The following COL5A3 variants were observed in gnomAD, a reference collection of about 807,000 sequenced individuals.
COL5A3 encodes the protein collagen type V alpha 3 chain.
Under a neutral mutation model 250.0 loss-of-function variants are expected in COL5A3, and 172 were observed. That is an observed-to-expected ratio of 0.69 (90% CI 0.61 to 0.78). The LOEUF (loss-of-function observed/expected upper bound fraction) is 0.78. Ranked by LOEUF, COL5A3 falls within the 30% of genes least tolerant of loss-of-function variation. COL5A3 has a pLI of 0.00. For synonymous variants in COL5A3, 937 were observed against 900.4 expected, an observed-to-expected ratio of 1.04 and a Z score of -0.73; for missense variants, 2,340 against 2,334.4, an observed-to-expected ratio of 1.00 and a Z score of -0.05.
chr19:9,986,356 GC>G lies in COL5A3; in HGVS notation c.2310del (p.Gln771ArgfsTer44), dbSNP rs2087099704. The G allele has an allele frequency of 1.3e-6, 2 of 1,593,540 alleles. No homozygotes were observed. The highest frequency in any genetic ancestry group is 1.3e-5 in the African/African-American group (1 of 74,360). On this transcript the variant is annotated frameshift_variant, in exon 30 of 67. Transcript: ENST00000264828. LOFTEE classifies it high-confidence loss of function. Reference sequence around the variant, plus strand: ...CCTGGGGGCCCCTCCTCGCCAGCCTGCCCCGCCTGCCCCTTCGGCCCCTCAG... The same window carrying G: ...CCTGGGGGCCCCTCCTCGCCAGCCTGCCCGCCTGCCCCTTCGGCCCCTCAG... ...DGPEGPKGQAGQAGEEGPPGS... is the reference protein window; with the variant it reads ...DGPEGPKGQAXQAGEEGPPGS...
chr19:9,998,250 AC>A lies in COL5A3; in HGVS notation c.1111-102del. The A allele has an allele frequency of 3.4e-6, 4 of 1,170,976 alleles. No individual in the cohort carries two copies. The South Asian group carries it at 4.4e-5, about 13-fold the overall frequency. The allele number at this position is 1,170,976 out of a possible 1,614,324, so 72.5% of individuals were successfully genotyped here. A position where few individuals can be genotyped will look rare whatever the true frequency, so the allele number is the denominator to read the frequency against. ...CACACTTGCACACACACACACACAC[AC>A]ACACACGGAGTCCACCCTCAGAGCC... On this transcript the variant is annotated intron_variant, in intron 8 of 66. Coordinates refer to ENST00000264828, the MANE Select transcript of COL5A3 (RefSeq NM_015719.4).
At position 9,978,929 on chromosome 19, in the gene COL5A3, T is replaced by C; in HGVS notation, c.2926A>G (p.Arg976Gly). Residue 976 changes from arginine to glycine, a missense_variant, in exon 40 of 67, where the codon AGG (arginine) becomes GGG (glycine). By Grantham distance (125) the Arg-to-Gly change is moderately radical. Around this residue, in one of 3 missense-constraint regions of COL5A3, gnomAD observed 1,179 missense variants for 1,162.6 expected, o/e 1.01. Transcript: ENST00000264828. ...PLGKEGPAGL[R>G]GFPGPKGGPG... ...CCCCCTTTGGGGCCGGGAAAGCCCC[T>C]GAGTCCAGCTGGCCCTTCTTTCCCA... is the stretch of plus-strand genomic sequence containing the variant. 1 of 1,519,838 alleles carries C rather than the reference T, an allele frequency of 6.6e-7. No homozygotes were observed. Among genetic ancestry groups the C allele is most frequent in the Non-Finnish European group, 8.8e-7 (1 of 1,136,846 alleles). 94.1% of individuals were successfully genotyped at this position (1,519,838 alleles called of 1,614,324 possible).
intron 31 of COL5A3, among the ~76,000 whole-genome samples, chr19:9,983,587 A>G (rs2087046774): frequency 1.5e-4 from 13 of 87,238 alleles, no homozygotes; most frequent in African/African-American, 5.5e-4. Flanking sequence ...AAAGAAAGAA[A>G]GAAAGAAAGA....
chr19:9,984,186 C>T (rs36064195), intron 31 of COL5A3, among the ~76,000 whole-genome samples: 15,960 of 152,142 alleles, frequency 0.1, 1,012 homozygotes, highest in South Asian at 0.27. Flanking sequence ...CTGCACCCAG[C>T]TAATTCTTGT....
At chr19:10,010,202 T>TG in intron 1 of COL5A3, 96 bp downstream of exon 1, 19 of 653,152 alleles carry the variant, frequency 2.9e-5, no homozygotes, top group Non-Finnish European at 3.7e-5. Context: ...CCCACGCCCT[T>TG]CCCCTCCACG....
intron 38 of COL5A3, 62 bp downstream of exon 38, chr19:9,979,302 C>T: frequency 6.2e-7 from 1 of 1,605,768 alleles, no homozygotes; most frequent in Non-Finnish European, 8.5e-7. Flanking sequence ...AGGAGTCCAG[C>T]TTTCCCCTAA....
rs183632779 is a variant in COL5A3 at position 9,992,331 on chromosome 19, C to T, written c.1849-283G>A. 4.2e-3 allele frequency among the ~76,000 whole-genome samples: 642 copies of T among 151,974 alleles called. 4 individuals are homozygous for T. Among genetic ancestry groups the T allele is most frequent in the South Asian group, 0.015 (72 of 4,824 alleles). ...GGCTGAGGCAGGAGAATAGCTTGAA[C>T]GTGGAAGGCGGAGTTTGCAGTGAGC... On this transcript the variant is annotated intron_variant, in intron 21 of 66. Transcript: ENST00000264828.
intron 6 of COL5A3, among the ~76,000 whole-genome samples, chr19:10,002,882 C>T (rs1013848838): frequency 1.3e-5 from 2 of 152,104 alleles, no homozygotes; most frequent in African/African-American, 4.8e-5. Context: ...ACTTGTGGCC[C>T]CAATGAGTGA....
chr19:9,996,923 A>G lies in COL5A3; in HGVS notation c.1264-234T>C, dbSNP rs2087282455. On this transcript the variant is annotated intron_variant, in intron 11 of 66. Transcript: ENST00000264828. Reference sequence around the variant, plus strand: ...GAAGGGGAGAGAGGGATGGAGAAGGATGGGGGCAGATGGAGAGACATACAG... The same window carrying G: ...GAAGGGGAGAGAGGGATGGAGAAGGGTGGGGGCAGATGGAGAGACATACAG... 3.8e-5 allele frequency: 21 copies of G among 553,554 alleles called. No homozygotes were observed. In the East Asian group the frequency reaches 6.6e-4, roughly 17 times the overall value. The allele number at this position is 553,554 out of a possible 1,614,324, so 34.3% of individuals were successfully genotyped here. A position where few individuals can be genotyped will look rare whatever the true frequency, so the allele number is the denominator to read the frequency against.
At position 9,986,715 on chromosome 19, in the gene COL5A3, T is replaced by C. The variant is rs2087105454; in HGVS notation, c.2189A>G (p.Lys730Arg). Residue 730 changes from lysine (K) to arginine (R), a missense_variant and splice_region_variant, in exon 28 of 67, where the codon AAG (lysine) becomes AGG (arginine). Around this residue, in one of 3 missense-constraint regions of COL5A3, gnomAD observed 1,152 missense variants for 1,146.3 expected, o/e 1.00. Transcript: ENST00000264828. ...NRGLQGEKGEKGEDGFPGFKG... is the reference protein window; with the variant it reads ...NRGLQGEKGERGEDGFPGFKG... ...CTGATGAGTTCCTTCTCTCCTCACCTTCTCGCCTTTCTCCCCCTGGAGGCC... is the reference window on the plus strand; with the variant it reads ...CTGATGAGTTCCTTCTCTCCTCACCCTCTCGCCTTTCTCCCCCTGGAGGCC... The C allele has an allele frequency of 6.2e-7, 1 of 1,613,642 alleles. No individual in the cohort carries two copies. Among genetic ancestry groups the C allele is most frequent in the Admixed American group, 1.7e-5 (1 of 59,952 alleles).
In COL5A3 at chr19:9,980,809, G is replaced by C. The variant is rs764220475; in HGVS notation, c.2556C>G (p.Pro852=). Residue 852 remains proline (P), a synonymous_variant, in exon 34 of 67, where the codon CCC becomes CCG. Coordinates refer to ENST00000264828, the MANE Select transcript of COL5A3 (RefSeq NM_015719.4). ...GQPGATGQPG[P]KGDVGQDGAP... is the part of the protein sequence containing the mutation. ...TGATTGCCCACCCATCCCATACCTTGGGGCCTGGTTGCCCTGTGGCACCCG... is the reference window on the plus strand; with the variant it reads ...TGATTGCCCACCCATCCCATACCTTCGGGCCTGGTTGCCCTGTGGCACCCG... 1 of 1,612,944 alleles carries C rather than the reference G, an allele frequency of 6.2e-7. No homozygotes were observed.
intron 31 of COL5A3, among the ~76,000 whole-genome samples, chr19:9,982,420 A>C (rs2087024402): frequency 6.6e-6 from 1 of 152,144 alleles, no homozygotes; most frequent in South Asian, 2.1e-4. Flanking sequence ...TCACCTCCTT[A>C]GAATGCCTTT....
chr19:10,001,987 C>G (rs2087370576), intron 6 of COL5A3, 106 bp from the exon 7 acceptor site: 14 of 742,406 alleles, frequency 1.9e-5, no homozygotes, highest in South Asian at 1.2e-4. Context: ...GGGACAGGGA[C>G]AGAGGAGGCT....
At position 9,960,402 on chromosome 19, in the gene COL5A3, C is replaced by T. The variant is rs371498623; in HGVS notation, c.*9G>A. 2.4e-5 allele frequency: 38 copies of T among 1,614,112 alleles called. No individual in the cohort carries two copies. Among genetic ancestry groups the T allele is most frequent in the South Asian group, 6.6e-5 (6 of 91,072 alleles). The stretch of plus-strand genomic sequence containing the variant: ...GGCTCCCTCATGGTCCCTCCCACCC[C>T]GGACACTCTCAGCTGCTGAAGCAGA... On this transcript the variant is annotated 3_prime_UTR_variant, in exon 67 of 67. Transcript: ENST00000264828.
intron 38 of COL5A3, 52 bp from the exon 39 acceptor site, chr19:9,979,291 C>G: frequency 6.2e-7 from 1 of 1,602,056 alleles, no homozygotes; most frequent in Non-Finnish European, 8.6e-7. Context: ...GGGAGTCGCT[C>G]AGGAGTCCAG....
intron 64 of COL5A3, among the ~76,000 whole-genome samples, chr19:9,965,163 T>G (rs891321505): frequency 6.7e-6 from 1 of 148,328 alleles, no homozygotes; most frequent in African/African-American, 2.5e-5. Flanking sequence ...TTTCTTTTTT[T>G]TTTTTTTTTG....
At chr19:10,005,770 C>T (rs1279470531) in intron 3 of COL5A3, 26 bp downstream of exon 3, 2 of 1,600,872 alleles carry the variant, frequency 1.2e-6, no homozygotes, top group Non-Finnish European at 1.7e-6. Context: ...TATCCACGGA[C>T]CCCCGCCCAC....
At chr19:9,973,101 G>T (rs1377301625) in intron 50 of COL5A3, 75 bp from the exon 51 acceptor site, 5 of 1,351,768 alleles carry the variant, frequency 3.7e-6, no homozygotes, top group East Asian at 5.0e-5. Context: ...TTGGATTCAG[G>T]CATTGGGGTG....
chr19:9,966,362 G>C lies in COL5A3; in HGVS notation c.4734C>G (p.Phe1578Leu). The C allele has an allele frequency of 6.2e-7, 1 of 1,610,204 alleles. No homozygotes were observed. Among genetic ancestry groups the C allele is most frequent in the Non-Finnish European group, 8.5e-7 (1 of 1,177,872 alleles). The part of the protein sequence containing the change: ...ARDSFRVFCN[F>L]TAGGETCLYP... ...AGAGGCAGGTCTCTCCTCCCGCCGT[G>C]AAGTTGCAAAAAACCCTGAACGAGT... The change falls in exon 64 of 67, where the codon TTC becomes TTG. Residue 1578 changes from phenylalanine to leucine, a missense_variant. Physicochemically the swap from Phe to Leu is conservative, Grantham distance 22. Coordinates refer to ENST00000264828, the MANE Select transcript of COL5A3 (RefSeq NM_015719.4).
Sources: allele counts gnomAD v4.1 joint callset (sites outside exome capture counted in the v4.1 genomes callset), GRCh38; gene constraint gnomAD v4.1.1; regional missense constraint gnomAD v4.1.1; transcripts MANE v1.5; gene names NCBI Gene and HGNC (gene_info 2026-07-23, HGNC 2026-07-21).